Variants in NEBL observed in about 807,000 individuals in gnomAD.
NEBL encodes the protein LIM and SH3 protein 2.
Under a neutral mutation model 140.2 loss-of-function variants are expected in NEBL, and 122 were observed. The observed-to-expected ratio is 0.87, with a 90% CI of 0.75 to 1.01. The LOEUF (loss-of-function observed/expected upper bound fraction) is 1.01. NEBL is among the 50% of genes least tolerant of loss of function. NEBL has a pLI of 0.00. For missense variants in NEBL, 1,365 were observed against 1,231.3 expected, an observed-to-expected ratio of 1.11 and a Z score of -1.62; for synonymous variants, 436 against 398.9, an observed-to-expected ratio of 1.09 and a Z score of -1.11.
At chr10:20,861,858 C>A (rs767343864) in intron 7 of NEBL, among the ~76,000 whole-genome samples, 28 of 152,236 alleles carry the variant, frequency 1.8e-4, no homozygotes, top group Middle Eastern at 3.4e-3. Flanking sequence ...GATGGGGTTG[C>A]ATCTCAGTAA....
chr10:21,108,689 A>G (rs1837831647), intron 2 of NEBL, among the ~76,000 whole-genome samples: 1 of 152,214 alleles, frequency 6.6e-6, no homozygotes, highest in Non-Finnish European at 1.5e-5. Context: ...CGCTTGGTCC[A>G]GAGCTGGGTT....
chr10:21,169,067 A>AAAAAAATATATATATATAT (rs1554830679), intron 2 of NEBL, among the ~76,000 whole-genome samples: 2 of 23,076 alleles, frequency 8.7e-5, no homozygotes, highest in Non-Finnish European at 1.7e-4. Flanking sequence ...AAAAAAAAAA[A>AAAAAAATATATATATATAT]ATATATATAT....
chr10:21,244,534 C>T (rs903780692), intron 3 of NEBL, among the ~76,000 whole-genome samples: 1 of 151,648 alleles, frequency 6.6e-6, no homozygotes, highest in Non-Finnish European at 1.5e-5. Flanking sequence ...CGCCTGTAAT[C>T]CCAGCTGCTT....
At chr10:21,242,896 G>C (rs1423702330) in intron 3 of NEBL, among the ~76,000 whole-genome samples, 1 of 152,132 alleles carries the variant, frequency 6.6e-6, no homozygotes, top group African/African-American at 2.4e-5. Context: ...TTGGGGGTGA[G>C]AAGAACAGAA....
At chr10:20,943,758 G>T (rs148237609) in intron 4 of NEBL, among the ~76,000 whole-genome samples, 1 of 152,198 alleles carries the variant, frequency 6.6e-6, no homozygotes, top group East Asian at 1.9e-4. Context: ...AAACTAAGTC[G>T]TTCAAAACTA....
chr10:21,243,298 C>CTTTTT (rs34974511), intron 3 of NEBL, among the ~76,000 whole-genome samples: 5 of 122,554 alleles, frequency 4.1e-5, no homozygotes, highest in South Asian at 2.6e-4. Flanking sequence ...ATTGAGCATT[C>CTTTTT]TTTTTTTTTT....
At chr10:21,190,010 T>G (rs1841546653) in intron 3 of NEBL, among the ~76,000 whole-genome samples, 1 of 152,210 alleles carries the variant, frequency 6.6e-6, no homozygotes, top group Non-Finnish European at 1.5e-5. Flanking sequence ...TGAGGTGTTT[T>G]GGATTAAAGT....
At chr10:21,035,493 GA>G (rs1833978190) in intron 2 of NEBL, among the ~76,000 whole-genome samples, 1 of 152,150 alleles carries the variant, frequency 6.6e-6, no homozygotes, top group Non-Finnish European at 1.5e-5. Context: ...CTTCAAGGCA[GA>G]ATCTAATCAC....
At chr10:21,028,617 G>A (rs1214110936) in intron 2 of NEBL, among the ~76,000 whole-genome samples, 1 of 152,048 alleles carries the variant, frequency 6.6e-6, no homozygotes, top group African/African-American at 2.4e-5. Context: ...CATGAGAAAG[G>A]TTAGAATATT....
chr10:21,023,677 A>T (rs1838893405), intron 2 of NEBL, among the ~76,000 whole-genome samples: 1 of 152,152 alleles, frequency 6.6e-6, no homozygotes, highest in Admixed American at 6.5e-5. Flanking sequence ...CCTGGGAGAC[A>T]GAGTGAGACT....
chr10:20,937,165 C>T (rs1423321938), intron 4 of NEBL, among the ~76,000 whole-genome samples: 1 of 152,150 alleles, frequency 6.6e-6, no homozygotes, highest in Non-Finnish European at 1.5e-5. Context: ...CTGGTTTTCC[C>T]ATGTCTCTCA....
chr10:21,245,886 G>A (rs555098283), intron 3 of NEBL, among the ~76,000 whole-genome samples: 1 of 152,290 alleles, frequency 6.6e-6, no homozygotes, highest in Admixed American at 6.5e-5. Context: ...TAGTAGAGAT[G>A]GGGTTTCACT....
At chr10:21,043,506 TTAAC>T (rs1213318025) in intron 2 of NEBL, among the ~76,000 whole-genome samples, 4 of 152,340 alleles carry the variant, frequency 2.6e-5, no homozygotes, top group East Asian at 3.9e-4. Flanking sequence ...AATTTTCTCT[TTAAC>T]TAAATAGCAT....
At chr10:21,085,616 C>T (rs1469071351) in intron 2 of NEBL, among the ~76,000 whole-genome samples, 3 of 152,032 alleles carry the variant, frequency 2.0e-5, no homozygotes, top group Non-Finnish European at 4.4e-5. Flanking sequence ...GCCTCAGCGA[C>T]GGAGTAAGAC....
At position 20,781,517 on chromosome 10, in the gene NEBL, T is replaced by C. The variant is rs1168799872; in HGVS notation, c.*4230A>G. On this transcript the variant is annotated 3_prime_UTR_variant, in exon 28 of 28. Transcript: ENST00000377122. Reference sequence around the variant, plus strand: ...TGCAGTTTTCTCTTTTCCTTTAAAGTACATCATTCTTAACAGCAACTGGAT... The same window carrying C: ...TGCAGTTTTCTCTTTTCCTTTAAAGCACATCATTCTTAACAGCAACTGGAT... 8 of 152,160 alleles carry C rather than the reference T, an allele frequency of 5.3e-5. No homozygotes were observed. Among genetic ancestry groups the C allele is most frequent in the African/African-American group, 1.9e-4 (8 of 41,430 alleles). The allele number at this position is 152,160 out of a possible 1,614,324, so 9.4% of individuals were successfully genotyped here.
chr10:20,793,230 T>C (rs1009326618), intron 26 of NEBL: 2 of 449,614 alleles, frequency 4.4e-6, no homozygotes, highest in Non-Finnish European at 5.9e-6. Context: ...TGCTCTATAA[T>C]TGAGTTAAAA....
chr10:20,807,747 A>C (rs574468691), intron 26 of NEBL, among the ~76,000 whole-genome samples: 1 of 152,192 alleles, frequency 6.6e-6, no homozygotes, highest in Non-Finnish European at 1.5e-5. Flanking sequence ...CATATGCTTC[A>C]GTCCTTTCCC....
At chr10:20,858,367 A>G (rs771271426) in intron 8 of NEBL, 23 bp from the exon 9 acceptor site, 1 of 1,504,224 alleles carries the variant, frequency 6.6e-7, no homozygotes, top group South Asian at 1.1e-5. Flanking sequence ...CATGGAACAA[A>G]ATACCATCGA....
At chr10:20,932,578 C>T (rs529374729) in intron 4 of NEBL, among the ~76,000 whole-genome samples, 4 of 152,144 alleles carry the variant, frequency 2.6e-5, no homozygotes, top group Non-Finnish European at 4.4e-5. Flanking sequence ...TATCCCAGAA[C>T]TTAAAGTAAA....
Sources: gnomAD v4.1 joint callset for allele counts (sites outside exome capture counted in the v4.1 genomes callset) on GRCh38, gnomAD v4.1.1 for gene constraint, MANE v1.5 for transcripts, NCBI Gene and HGNC (gene_info 2026-07-23, HGNC 2026-07-21) for gene names.